DOCK6: variants seen among roughly 807,000 people sequenced by gnomAD.
The protein encoded by DOCK6 is dedicator of cytokinesis 6.
A neutral mutation model predicts 230.3 loss-of-function variants in DOCK6; 167 were observed. That is an observed-to-expected ratio of 0.73 (90% confidence interval 0.64 to 0.82). The LOEUF (loss-of-function observed/expected upper bound fraction) is 0.82, where lower values mean the gene tolerates loss of function less well. Ranked by LOEUF, DOCK6 falls within the 40% of genes least tolerant of loss-of-function variation. The pLI, the probability that DOCK6 is intolerant of heterozygous loss-of-function variation, is 0.00. For missense variants in DOCK6, 2,598 were observed against 2,825.8 expected, an observed-to-expected ratio of 0.92 and a Z score of 1.83; for synonymous variants, 1,148 against 1,185.0, an observed-to-expected ratio of 0.97 and a Z score of 0.64.
intron 24 of DOCK6, among the ~76,000 whole-genome samples, chr19:11,224,186 T>C (rs1183795634): frequency 7.2e-6 from 1 of 138,154 alleles, no homozygotes; most frequent in Non-Finnish European, 1.5e-5. Context: ...AAAACTGTAA[T>C]TACTTTTCTT....
At chr19:11,254,243 T>C (rs1046466001) in intron 1 of DOCK6, among the ~76,000 whole-genome samples, 1 of 152,236 alleles carries the variant, frequency 6.6e-6, no homozygotes, top group Admixed American at 6.5e-5. Context: ...GCCTGGGGCC[T>C]GGCCTGAAGT....
At chr19:11,230,352 A>T (rs544663017) in intron 22 of DOCK6, among the ~76,000 whole-genome samples, 2 of 152,298 alleles carry the variant, frequency 1.3e-5, no homozygotes, top group Admixed American at 1.3e-4. Context: ...AAAAAAAAGA[A>T]CGTGATGGAG....
At chr19:11,219,170 C>G (rs1433030733) in intron 28 of DOCK6, among the ~76,000 whole-genome samples, 1 of 140,140 alleles carries the variant, frequency 7.1e-6, no homozygotes, top group African/African-American at 2.7e-5. Flanking sequence ...AGCCACTGCG[C>G]CCGGTTTTTT....
chr19:11,222,973 C>T lies in DOCK6; in HGVS notation c.3069+20G>A, dbSNP rs747664486. ...GCCTTCCATCCATGCCATGCCCACC[C>T]TGCCCACGCCCACTCCTACCTGCTT... On this transcript the variant is annotated intron_variant, in intron 25 of 47. Coordinates refer to ENST00000294618, the MANE Select transcript of DOCK6 (RefSeq NM_020812.4). The surrounding 1 kb of genome is among the most constrained non-coding windows in gnomAD (Gnocchi z 4.0). 7 of 1,613,636 alleles carry T rather than the reference C, an allele frequency of 4.3e-6. No homozygotes were observed. The highest frequency in any genetic ancestry group is 5.1e-6 in the Non-Finnish European group (6 of 1,179,814).
At chr19:11,252,453 C>T in intron 4 of DOCK6, 29 bp downstream of exon 4, 1 of 1,613,182 alleles carries the variant, frequency 6.2e-7, no homozygotes, top group Non-Finnish European at 8.5e-7. Context: ...GGTTCCGAAC[C>T]CCCTGAGCTG....
chr19:11,211,906 G>A (rs1161630575), intron 36 of DOCK6, 30 bp from the exon 37 acceptor site: 1 of 1,554,270 alleles, frequency 6.4e-7, no homozygotes. Flanking sequence ...AGGGGCCAAT[G>A]AGAGCATTAG....
intron 24 of DOCK6, among the ~76,000 whole-genome samples, chr19:11,225,513 C>T (rs2079649545): frequency 6.6e-6 from 1 of 151,874 alleles, no homozygotes; most frequent in African/African-American, 2.4e-5. Flanking sequence ...TAGGAAGACC[C>T]CATCTCTACA....
intron 14 of DOCK6, chr19:11,238,905 A>G (rs2079894661): frequency 6.4e-6 from 1 of 155,424 alleles, no homozygotes; most frequent in South Asian, 2.0e-4. Context: ...AATAACAACA[A>G]TGACAATAAT....
intron 1 of DOCK6, among the ~76,000 whole-genome samples, chr19:11,260,167 A>G (rs2080263427): frequency 6.6e-6 from 1 of 152,146 alleles, no homozygotes; most frequent in Non-Finnish European, 1.5e-5. Flanking sequence ...ACTCCCTCAC[A>G]GTTCACTAGG....
At chr19:11,214,938 G>A (rs1191737196) in intron 32 of DOCK6, among the ~76,000 whole-genome samples, 1 of 148,850 alleles carries the variant, frequency 6.7e-6, no homozygotes, top group Non-Finnish European at 1.5e-5. Context: ...ACCATGCCTG[G>A]CTAATTTTTT....
chr19:11,213,055 C>T (rs1312953487), intron 35 of DOCK6, 121 bp downstream of exon 35: 2 of 1,332,882 alleles, frequency 1.5e-6, no homozygotes, highest in East Asian at 2.5e-5. Context: ...ATTCTGAGCC[C>T]TCCTCCTGCT....
intron 18 of DOCK6, 157 bp downstream of exon 18, chr19:11,237,299 A>G: frequency 1.4e-6 from 1 of 732,672 alleles, no homozygotes; most frequent in East Asian, 2.7e-5. Context: ...TGTAGGACAC[A>G]GAGAGGCATT....
At chr19:11,241,107 G>A (rs1456019318) in intron 14 of DOCK6, among the ~76,000 whole-genome samples, 2 of 151,894 alleles carry the variant, frequency 1.3e-5, no homozygotes, top group African/African-American at 2.4e-5. Flanking sequence ...TTAGCTGGGC[G>A]TGGTGGCACA....
At chr19:11,223,291 CCTT>C (rs1334049397) in intron 24 of DOCK6, among the ~76,000 whole-genome samples, 185 bp from the exon 25 acceptor site, 3 of 152,146 alleles carry the variant, frequency 2.0e-5, no homozygotes, top group African/African-American at 7.2e-5. Flanking sequence ...CTCCCATGCT[CCTT>C]AAGACACCAA....
chr19:11,225,020 C>T (rs557584099), intron 24 of DOCK6, among the ~76,000 whole-genome samples: 4 of 151,304 alleles, frequency 2.6e-5, no homozygotes, highest in African/African-American at 4.9e-5. Flanking sequence ...GCTGAGATTG[C>T]GCCACTGCAC....
At chr19:11,253,586 A>G in intron 2 of DOCK6, 53 bp downstream of exon 2, 1 of 1,191,998 alleles carries the variant, frequency 8.4e-7, no homozygotes, top group Non-Finnish European at 1.1e-6. Context: ...GGAAGCCCCT[A>G]CCTCTGTCTG....
chr19:11,208,413 T>C (rs1439023467), intron 39 of DOCK6: 3 of 259,268 alleles, frequency 1.2e-5, no homozygotes, highest in Admixed American at 9.6e-5. Flanking sequence ...CCCGAGTAGC[T>C]GGGATTACAG....
Position 11,262,479 on chromosome 19 carries a change from C to T in DOCK6, c.-39G>A. 1.8e-6 allele frequency: 2 copies of T among 1,098,672 alleles called. No homozygotes were observed. Among genetic ancestry groups the T allele is most frequent in the Non-Finnish European group, 2.2e-6 (2 of 903,770 alleles). 68.1% of individuals were successfully genotyped at this position (1,098,672 alleles called of 1,614,324 possible). On this transcript the variant is annotated 5_prime_UTR_variant, in exon 1 of 48. Transcript: ENST00000294618. ...CGCCGCCGCCGCCCCGGGCCCCGGC[C>T]CCGCCGCCGCCGCCGCCTCCCGGTT...
rs1599242483 is a variant in DOCK6, at chr19:11,228,927, G to A, written c.2814+13C>T. ...GGGTCTCTTGCCACCAGGCAGGGAG[G>A]AGGGGGTCTCACCATGAGCTGGAAG... is the stretch of plus-strand genomic sequence containing the variant. On this transcript the variant is annotated intron_variant, in intron 23 of 47. Transcript: ENST00000294618. 1 of 1,613,446 alleles carries A rather than the reference G, an allele frequency of 6.2e-7. No individual in the cohort carries two copies. The highest frequency in any genetic ancestry group is 8.5e-7 in the Non-Finnish European group (1 of 1,179,616).
Sources: gnomAD v4.1 joint callset for allele counts (sites outside exome capture counted in the v4.1 genomes callset) on GRCh38, gnomAD v4.1.1 for gene constraint, Gnocchi (gnomAD v3.1) non-coding constraint, MANE v1.5 for transcripts, NCBI Gene and HGNC (gene_info 2026-07-23, HGNC 2026-07-21) for gene names.